SDK1: variants seen among roughly 807,000 people sequenced by gnomAD.
SDK1 encodes the protein sidekick cell adhesion molecule 1, also known as protein sidekick-1.
Under a neutral mutation model 245.5 loss-of-function variants are expected in SDK1, and 157 were observed. The observed-to-expected ratio is 0.64, with a 90% CI of 0.56 to 0.73. The LOEUF (loss-of-function observed/expected upper bound fraction) is 0.73, where lower values mean the gene tolerates loss of function less well. Among genes scored for constraint, SDK1 ranks in the 30% least tolerant of loss-of-function variants. The probability of loss-of-function intolerance (pLI) is 0.00; values close to 1 mark genes in which losing one functional copy is unlikely to be tolerated. For missense variants in SDK1, 3,583 were observed against 3,002.3 expected, an observed-to-expected ratio of 1.19 and a Z score of -4.52; for synonymous variants, 1,647 against 1,278.5, an observed-to-expected ratio of 1.29 and a Z score of -6.15.
At chr7:3,447,730 G>T in intron 1 of SDK1, among the ~76,000 whole-genome samples, 2 of 114,410 alleles carry the variant, frequency 1.7e-5, no homozygotes, top group South Asian at 2.9e-4. Flanking sequence ...TTGAGATAGA[G>T]TTTCACTCTC....
At chr7:4,234,077 C>T (rs959555538) in intron 41 of SDK1, among the ~76,000 whole-genome samples, 8 of 152,164 alleles carry the variant, frequency 5.3e-5, no homozygotes, top group African/African-American at 1.4e-4. Flanking sequence ...AGAACCACCC[C>T]GGCAGCTATG....
chr7:3,902,653 CTG>C (rs1214216095), intron 5 of SDK1, among the ~76,000 whole-genome samples: 1 of 152,024 alleles, frequency 6.6e-6, no homozygotes, highest in African/African-American at 2.4e-5. Flanking sequence ...GATATATAAA[CTG>C]TTAGTATAGT....
At chr7:3,921,758 G>C (rs181465592) in intron 5 of SDK1, among the ~76,000 whole-genome samples, 2 of 152,186 alleles carry the variant, frequency 1.3e-5, no homozygotes, top group African/African-American at 4.8e-5. Context: ...TTGAGCCCAG[G>C]AGCTCAAGAG....
chr7:3,692,590 T>G (rs1784465791), intron 4 of SDK1, among the ~76,000 whole-genome samples: 3 of 152,188 alleles, frequency 2.0e-5, no homozygotes, highest in Admixed American at 1.3e-4. Flanking sequence ...TGTGCTTATT[T>G]AAACTGATGT....
At chr7:3,320,287 T>C (rs1463837978) in intron 1 of SDK1, among the ~76,000 whole-genome samples, 1 of 151,282 alleles carries the variant, frequency 6.6e-6, no homozygotes, top group African/African-American at 2.4e-5. Flanking sequence ...TCTATTTTTT[T>C]CCCCCTATCT....
chr7:4,236,998 C>A (rs1297242453), intron 41 of SDK1, among the ~76,000 whole-genome samples: 2 of 152,092 alleles, frequency 1.3e-5, no homozygotes, highest in Admixed American at 6.5e-5. Flanking sequence ...CCTCGACCTC[C>A]TGGGCTCAAG....
chr7:3,883,025 T>C (rs919792904), intron 5 of SDK1, among the ~76,000 whole-genome samples: 1 of 152,164 alleles, frequency 6.6e-6, no homozygotes, highest in Non-Finnish European at 1.5e-5. Flanking sequence ...TCATAAGAAA[T>C]TGGAACATAG....
intron 5 of SDK1, among the ~76,000 whole-genome samples, chr7:3,861,756 C>A (rs1780697058): frequency 6.6e-6 from 1 of 152,124 alleles, no homozygotes; most frequent in Non-Finnish European, 1.5e-5. Context: ...TAGCAAACTT[C>A]ACATGGCTTG....
intron 4 of SDK1, among the ~76,000 whole-genome samples, chr7:3,749,538 A>G (rs1417066912): frequency 6.6e-6 from 1 of 152,146 alleles, no homozygotes; most frequent in Non-Finnish European, 1.5e-5. Flanking sequence ...TGACCTCGTG[A>G]TCCGCCCGCC....
chr7:3,368,630 C>T (rs557895659), intron 1 of SDK1, among the ~76,000 whole-genome samples: 2 of 152,268 alleles, frequency 1.3e-5, no homozygotes, highest in East Asian at 3.9e-4. Flanking sequence ...ACTTGGAGAG[C>T]CTGTCGGGTG....
intron 5 of SDK1, among the ~76,000 whole-genome samples, chr7:3,892,217 G>GC (rs2128102193): frequency 6.6e-6 from 1 of 152,246 alleles, no homozygotes; most frequent in South Asian, 2.1e-4. Flanking sequence ...ATTAGCTTTT[G>GC]CTGCAGTAAC....
In SDK1 at chr7:4,267,928, G is replaced by T; in HGVS notation, c.*2544G>T. The T allele has an allele frequency of 2.0e-6, 2 of 985,514 alleles. No homozygotes were observed. The highest frequency in any genetic ancestry group is 2.4e-6 in the Non-Finnish European group (2 of 830,006). The allele number at this position is 985,514 out of a possible 1,614,324, so 61.0% of individuals were successfully genotyped here. A position where few individuals can be genotyped will look rare whatever the true frequency, so the allele number is the denominator to read the frequency against. On this transcript the variant is annotated 3_prime_UTR_variant, in exon 45 of 45. Transcript: ENST00000404826. ...AAAGGAACAGAGCTGGATGTTTCCA[G>T]GTAGATTTTGGCCTCCCAGAGCAAT...
chr7:4,002,268 C>CA (rs1445834099), intron 14 of SDK1, among the ~76,000 whole-genome samples: 1 of 152,062 alleles, frequency 6.6e-6, no homozygotes, highest in Non-Finnish European at 1.5e-5. Context: ...GTGAGTGGCT[C>CA]AGAGCAGGAG....
intron 1 of SDK1, among the ~76,000 whole-genome samples, chr7:3,419,357 G>C (rs1779471423): frequency 6.6e-6 from 1 of 152,084 alleles, no homozygotes; most frequent in Non-Finnish European, 1.5e-5. Context: ...CAGTAATTAG[G>C]ATCCACTGTT....
chr7:4,254,737 C>T (rs995401552), intron 44 of SDK1, among the ~76,000 whole-genome samples: 1 of 151,768 alleles, frequency 6.6e-6, no homozygotes, highest in African/African-American at 2.4e-5. Context: ...ATATTCATGC[C>T]TCATTGAGGG....
chr7:3,382,718 G>A (rs1198294269), intron 1 of SDK1, among the ~76,000 whole-genome samples: 2 of 152,068 alleles, frequency 1.3e-5, no homozygotes, highest in Non-Finnish European at 2.9e-5. Context: ...TTGAGGAAAC[G>A]ATTAGAAATA....
At chr7:3,664,486 C>T (rs1783463459) in intron 4 of SDK1, among the ~76,000 whole-genome samples, 1 of 152,106 alleles carries the variant, frequency 6.6e-6, no homozygotes, top group African/African-American at 2.4e-5. Context: ...CACCTGTAAA[C>T]CCAGCACTTT....
intron 4 of SDK1, among the ~76,000 whole-genome samples, chr7:3,696,195 C>T (rs537852495): frequency 6.6e-6 from 1 of 152,140 alleles, no homozygotes; most frequent in Non-Finnish European, 1.5e-5. Flanking sequence ...TATTGCCACT[C>T]TCTCCACTGT....
chr7:4,235,555 A>T (rs969432163), intron 41 of SDK1, among the ~76,000 whole-genome samples: 10 of 152,194 alleles, frequency 6.6e-5, no homozygotes, highest in African/African-American at 2.2e-4. Context: ...ATGTACCCCA[A>T]AGTATAGAGA....
Sources: gnomAD v4.1 joint callset for allele counts (sites outside exome capture counted in the v4.1 genomes callset) on GRCh38, gnomAD v4.1.1 for gene constraint, MANE v1.5 for transcripts, NCBI Gene and HGNC (gene_info 2026-07-23, HGNC 2026-07-21) for gene names.